The following MAPKAP1 variants were observed in gnomAD, a reference collection of about 807,000 sequenced individuals.
MAPKAP1 encodes MAPK associated protein 1.
Under a neutral mutation model 65.7 loss-of-function variants are expected in MAPKAP1, and 20 were observed. The ratio of observed to expected loss-of-function variants is 0.30; its 90% confidence interval spans 0.21 to 0.44. The LOEUF is 0.44. Among genes scored for constraint, MAPKAP1 ranks in the 20% least tolerant of loss-of-function variants. The probability of loss-of-function intolerance (pLI) is 1.00; values close to 1 mark genes in which losing one functional copy is unlikely to be tolerated. For synonymous variants in MAPKAP1, 222 were observed against 244.3 expected (o/e 0.91, Z 0.85); for missense variants, 423 against 648.0 (o/e 0.65, Z 3.77).
intron 8 of MAPKAP1, among the ~76,000 whole-genome samples, chr9:125,493,380 T>C (rs1273373011): frequency 3.9e-5 from 6 of 152,348 alleles, no homozygotes; most frequent in South Asian, 2.1e-4. Flanking sequence ...TAAAGCATTA[T>C]AGCCCTTTAT....
intron 7 of MAPKAP1, among the ~76,000 whole-genome samples, chr9:125,527,238 T>C (rs1019054981): frequency 2.6e-5 from 4 of 152,080 alleles, no homozygotes; most frequent in Non-Finnish European, 5.9e-5. Flanking sequence ...AGCTAATTTT[T>C]TGTATTTTTA....
chr9:125,580,736 C>T (rs1230929705), intron 5 of MAPKAP1, among the ~76,000 whole-genome samples: 2 of 151,304 alleles, frequency 1.3e-5, no homozygotes, highest in African/African-American at 4.9e-5. Context: ...TTTACATGTA[C>T]TTGTGTGTGT....
intron 7 of MAPKAP1, among the ~76,000 whole-genome samples, chr9:125,537,838 G>T (rs1277411923): frequency 2.0e-5 from 3 of 152,056 alleles, no homozygotes; most frequent in Non-Finnish European, 2.9e-5. Flanking sequence ...AGTCTATCTG[G>T]CATGAAAGTA....
chr9:125,659,653 C>G (rs1834129171), intron 3 of MAPKAP1, among the ~76,000 whole-genome samples: 1 of 151,824 alleles, frequency 6.6e-6, no homozygotes, highest in Non-Finnish European at 1.5e-5. Flanking sequence ...TCTCTCTCTT[C>G]CATTGTCAAT....
intron 11 of MAPKAP1, among the ~76,000 whole-genome samples, chr9:125,443,786 T>C (rs1185986484): frequency 6.7e-6 from 1 of 150,284 alleles, no homozygotes; most frequent in Non-Finnish European, 1.5e-5. Context: ...TTCCTCTCTC[T>C]TTACCTGGTC....
chr9:125,489,548 G>A (rs1017009600), intron 8 of MAPKAP1, among the ~76,000 whole-genome samples: 3 of 152,168 alleles, frequency 2.0e-5, no homozygotes, highest in Non-Finnish European at 4.4e-5. Flanking sequence ...TGACAACAAG[G>A]CTCCAGAAGA....
chr9:125,566,942 A>G (rs1464098400), intron 5 of MAPKAP1, among the ~76,000 whole-genome samples: 1 of 152,170 alleles, frequency 6.6e-6, no homozygotes, highest in Non-Finnish European at 1.5e-5. Context: ...CAGAAAACCA[A>G]ACTCATGCCG....
chr9:125,477,421 G>A (rs1403856566), intron 9 of MAPKAP1, among the ~76,000 whole-genome samples: 1 of 152,198 alleles, frequency 6.6e-6, no homozygotes, highest in African/African-American at 2.4e-5. Context: ...TAAGGGGTAA[G>A]AAAGTCCTTT....
intron 6 of MAPKAP1, among the ~76,000 whole-genome samples, chr9:125,546,220 G>A (rs1830419360): frequency 6.6e-6 from 1 of 152,104 alleles, no homozygotes; most frequent in Non-Finnish European, 1.5e-5. Flanking sequence ...CTTACTCTGG[G>A]GCTCCATTTC....
At chr9:125,572,162 T>C (rs561035606) in intron 5 of MAPKAP1, among the ~76,000 whole-genome samples, 6 of 152,290 alleles carry the variant, frequency 3.9e-5, no homozygotes, top group Non-Finnish European at 8.8e-5. Context: ...TTAACTGGAA[T>C]GGTGTGTACA....
intron 3 of MAPKAP1, among the ~76,000 whole-genome samples, chr9:125,663,765 T>C (rs1264757653): frequency 6.6e-6 from 1 of 152,156 alleles, no homozygotes. Flanking sequence ...CCCTTCCTTC[T>C]GGTTTCAAGC....
At chr9:125,700,052 C>A (rs1298209423) in intron 1 of MAPKAP1, among the ~76,000 whole-genome samples, 1 of 152,160 alleles carries the variant, frequency 6.6e-6, no homozygotes, top group Non-Finnish European at 1.5e-5. Context: ...GCATTACTGT[C>A]CCCATTTTGC....
At chr9:125,646,854 T>C (rs1458067723) in intron 4 of MAPKAP1, among the ~76,000 whole-genome samples, 2 of 152,250 alleles carry the variant, frequency 1.3e-5, no homozygotes, top group Non-Finnish European at 2.9e-5. Context: ...TGAAATTTTA[T>C]CACAGCTATT....
intron 10 of MAPKAP1, among the ~76,000 whole-genome samples, chr9:125,451,848 C>T (rs1852964764): frequency 2.2e-5 from 3 of 134,894 alleles, no homozygotes; most frequent in South Asian, 5.1e-4. Context: ...CTCGCTCTAT[C>T]CCCCAGGGTG....
chr9:125,537,857 T>TG (rs1830117024), intron 7 of MAPKAP1, among the ~76,000 whole-genome samples: 1 of 152,150 alleles, frequency 6.6e-6, no homozygotes, highest in Non-Finnish European at 1.5e-5. Context: ...TAAGGCCTAC[T>TG]GTGTGTGGTA....
At chr9:125,443,706 C>G (rs1403890391) in intron 11 of MAPKAP1, among the ~76,000 whole-genome samples, 2 of 139,758 alleles carry the variant, frequency 1.4e-5, no homozygotes, top group Non-Finnish European at 1.6e-5. Flanking sequence ...GCTCCCCCAG[C>G]CCCCCCAGCC....
chr9:125,521,699 G>A (rs1007333061), intron 7 of MAPKAP1: 3 of 1,607,764 alleles, frequency 1.9e-6, no homozygotes, highest in African/African-American at 1.3e-5. Flanking sequence ...ACCCACAGCA[G>A]TTCAAACCCA....
At chr9:125,631,473 C>G (rs1487813123) in intron 4 of MAPKAP1, among the ~76,000 whole-genome samples, 1 of 152,220 alleles carries the variant, frequency 6.6e-6, no homozygotes, top group African/African-American at 2.4e-5. Flanking sequence ...ATATGCCCCA[C>G]CCGGTTCCTA....
At chr9:125,675,167 A>G (rs1834609291) in intron 1 of MAPKAP1, among the ~76,000 whole-genome samples, 1 of 152,192 alleles carries the variant, frequency 6.6e-6, no homozygotes, top group Admixed American at 6.5e-5. Flanking sequence ...AAAGGAAGGC[A>G]GCTAGTCACC....
Sources: allele counts gnomAD v4.1 joint callset (sites outside exome capture counted in the v4.1 genomes callset), GRCh38; gene constraint gnomAD v4.1.1; transcripts MANE v1.5; gene names NCBI Gene and HGNC (gene_info 2026-07-23, HGNC 2026-07-21).